The following FGD4 variants were observed in gnomAD, a reference collection of about 807,000 sequenced individuals.
FGD4 encodes the protein FYVE, RhoGEF and PH domain-containing protein 4.
Under a neutral mutation model 102.0 loss-of-function variants are expected in FGD4, and 42 were observed. The ratio of observed to expected loss-of-function variants is 0.41; its 90% CI spans 0.32 to 0.53. The LOEUF (loss-of-function observed/expected upper bound fraction) is 0.53, where lower values mean the gene tolerates loss of function less well. Ranked by LOEUF, FGD4 falls within the 20% of genes least tolerant of loss-of-function variation. FGD4 has a pLI of 0.21. For missense variants in FGD4, 902 were observed against 1,078.2 expected, an observed-to-expected ratio of 0.84 and a Z score of 2.29; for synonymous variants, 380 against 375.7, an observed-to-expected ratio of 1.01 and a Z score of -0.13.
intron 1 of FGD4, among the ~76,000 whole-genome samples, chr12:32,435,988 C>T (rs1404489903): frequency 6.6e-6 from 1 of 152,152 alleles, no homozygotes; most frequent in Non-Finnish European, 1.5e-5. Context: ...TCAAAGTACC[C>T]TTGGTGGACA....
intron 1 of FGD4, among the ~76,000 whole-genome samples, chr12:32,494,416 T>C (rs937623944): frequency 6.6e-5 from 10 of 152,182 alleles, no homozygotes; most frequent in Non-Finnish European, 7.3e-5. Flanking sequence ...AGCCGTATAA[T>C]CAGTAAAATA....
chr12:32,596,238 AAT>A (rs1270733592), intron 4 of FGD4, among the ~76,000 whole-genome samples: 3 of 152,238 alleles, frequency 2.0e-5, no homozygotes, highest in African/African-American at 7.2e-5. Flanking sequence ...AAGGGCTTTG[AAT>A]AGTTGAAGAA....
At chr12:32,444,593 C>T (rs1326503638) in intron 1 of FGD4, among the ~76,000 whole-genome samples, 1 of 151,956 alleles carries the variant, frequency 6.6e-6, no homozygotes, top group Non-Finnish European at 1.5e-5. Flanking sequence ...TTAGTAGAGA[C>T]GGTGTTTCAC....
At chr12:32,419,559 C>T (rs558160001) in intron 1 of FGD4, among the ~76,000 whole-genome samples, 36 of 151,682 alleles carry the variant, frequency 2.4e-4, no homozygotes, top group Non-Finnish European at 4.3e-4. Flanking sequence ...CTCCCTTAGT[C>T]ACCCTGGCTG....
At chr12:32,432,715 T>A (rs529760213) in intron 1 of FGD4, among the ~76,000 whole-genome samples, 6 of 152,248 alleles carry the variant, frequency 3.9e-5, no homozygotes, top group African/African-American at 1.2e-4. Context: ...GGTGAATCCC[T>A]TTAACATGAA....
intron 1 of FGD4, among the ~76,000 whole-genome samples, chr12:32,495,240 CCTG>C (rs1281412019): frequency 6.6e-6 from 1 of 152,078 alleles, no homozygotes; most frequent in African/African-American, 2.4e-5. Context: ...TAGAAATCAC[CCTG>C]CTAACAAGTT....
chr12:32,567,119 G>A lies in FGD4; in HGVS notation c.319+2830G>A, dbSNP rs150842813. Among the ~76,000 whole-genome samples the A allele has an allele frequency of 5.2e-3, 798 of 152,296 alleles. 6 individuals are homozygous for A. Among genetic ancestry groups the A allele is most frequent in the Middle Eastern group, 0.024 (7 of 294 alleles). On this transcript the variant is annotated intron_variant, in intron 2 of 16. Coordinates refer to ENST00000534526, the MANE Select transcript of FGD4 (RefSeq NM_001370298.3). The stretch of plus-strand genomic sequence containing the variant: ...ACTGGCATTATCAGTACTGCATGTA[G>A]CCCTCTCCAGCACAAGCACCATCCT...
intron 1 of FGD4, among the ~76,000 whole-genome samples, chr12:32,401,227 A>C (rs146631881): frequency 3.0e-4 from 46 of 152,342 alleles, no homozygotes; most frequent in Middle Eastern, 3.4e-3. Context: ...TTTGTTAATC[A>C]TCAACTGTTT....
chr12:32,586,094 A>G (rs1158197256), intron 4 of FGD4, among the ~76,000 whole-genome samples: 3 of 152,234 alleles, frequency 2.0e-5, no homozygotes, highest in Admixed American at 6.5e-5. Flanking sequence ...TGGCTAGAGA[A>G]ATTAATACAG....
intron 14 of FGD4, 45 bp downstream of exon 14, chr12:32,625,824 A>T (rs1950130496): frequency 6.2e-7 from 1 of 1,611,482 alleles, no homozygotes; most frequent in African/African-American, 1.3e-5. Flanking sequence ...TAACTATATA[A>T]GTGATGTAAA....
At position 32,624,900 on chromosome 12, in the gene FGD4, A is replaced by G; in HGVS notation, c.1954-76A>G. ...TTTCAAAGTGATTCCTATCATAGAT[A>G]TTTGTTTGATAAAGTATATTCATTG... On this transcript the variant is annotated intron_variant, in intron 12 of 16. Coordinates refer to ENST00000534526, the MANE Select transcript of FGD4 (RefSeq NM_001370298.3). 3 of 1,225,108 alleles carry G rather than the reference A, an allele frequency of 2.4e-6. 1 individual carries two copies. Among genetic ancestry groups the G allele is most frequent in the South Asian group, 2.4e-5 (2 of 81,838 alleles). The allele number at this position is 1,225,108 out of a possible 1,614,324, so 75.9% of individuals were successfully genotyped here.
At chr12:32,584,595 C>A (rs930196040) in intron 4 of FGD4, among the ~76,000 whole-genome samples, 1 of 150,822 alleles carries the variant, frequency 6.6e-6, no homozygotes, top group African/African-American at 2.5e-5. Context: ...GTAACCCCCC[C>A]CTCCCAAAAA....
intron 1 of FGD4, among the ~76,000 whole-genome samples, chr12:32,431,600 A>G (rs2136436345): frequency 6.6e-6 from 1 of 152,122 alleles, no homozygotes; most frequent in African/African-American, 2.4e-5. Flanking sequence ...CCTGTCCCCA[A>G]CAAATACATT....
chr12:32,587,218 G>A (rs1046418374), intron 4 of FGD4, among the ~76,000 whole-genome samples: 13 of 149,410 alleles, frequency 8.7e-5, no homozygotes, highest in Admixed American at 2.0e-4. Context: ...AAAAATTCTG[G>A]AAGCATTACG....
intron 1 of FGD4, among the ~76,000 whole-genome samples, chr12:32,428,446 T>C (rs56205831): frequency 0.058 from 8,827 of 152,294 alleles, 372 homozygotes; most frequent in Middle Eastern, 0.13. Context: ...ATTAGTCTGA[T>C]GGGCTTTCCT....
At chr12:32,466,025 A>G (rs928732205) in intron 1 of FGD4, among the ~76,000 whole-genome samples, 3 of 151,872 alleles carry the variant, frequency 2.0e-5, no homozygotes. Flanking sequence ...CAATCCTCCC[A>G]CCTCGGCCTC....
At chr12:32,579,902 C>A (rs762513334) in intron 3 of FGD4, among the ~76,000 whole-genome samples, 8 of 151,298 alleles carry the variant, frequency 5.3e-5, no homozygotes, top group Non-Finnish European at 1.2e-4. Context: ...TTCCCTGTTT[C>A]ATTCTCCAGT....
intron 1 of FGD4, among the ~76,000 whole-genome samples, chr12:32,483,919 C>T (rs2136552534): frequency 6.6e-6 from 1 of 152,226 alleles, no homozygotes; most frequent in Middle Eastern, 3.4e-3. Context: ...TCATAAAGAT[C>T]AGCTTTTAAA....
intron 1 of FGD4, among the ~76,000 whole-genome samples, chr12:32,555,513 C>T (rs1019338479): frequency 4.7e-5 from 7 of 150,124 alleles, no homozygotes; most frequent in East Asian, 2.0e-4. Context: ...AAGTGGGAGA[C>T]GAGAACCAAG....
Sources: allele counts gnomAD v4.1 joint callset (sites outside exome capture counted in the v4.1 genomes callset), GRCh38; gene constraint gnomAD v4.1.1; transcripts MANE v1.5; gene names NCBI Gene and HGNC (gene_info 2026-07-23, HGNC 2026-07-21).